Variants in GRIK3 observed in about 807,000 individuals in gnomAD.
The protein encoded by GRIK3 is glutamate ionotropic receptor kainate type subunit 3.
GRIK3 carries 29 observed loss-of-function variants against 102.5 expected under a neutral mutation model. That is an observed-to-expected ratio of 0.28 (90% CI 0.21 to 0.39). The LOEUF (loss-of-function observed/expected upper bound fraction) is 0.39, where lower values mean the gene tolerates loss of function less well. Among genes scored for constraint, GRIK3 ranks in the 10% least tolerant of loss-of-function variants. The pLI is 1.00. For synonymous variants in GRIK3, 511 were observed against 504.9 expected, an observed-to-expected ratio of 1.01 and a Z score of -0.16; for missense variants, 908 against 1,252.4, an observed-to-expected ratio of 0.73 and a Z score of 4.15.
chr1:36,832,158 G>A (rs150509733), intron 10 of GRIK3, among the ~76,000 whole-genome samples: 38 of 152,338 alleles, frequency 2.5e-4, no homozygotes, highest in Non-Finnish European at 4.1e-4. Context: ...GGCATTGGCC[G>A]ATTCTCTGGG....
chr1:36,865,491 CG>C (rs1359570637), intron 5 of GRIK3, among the ~76,000 whole-genome samples: 4 of 152,116 alleles, frequency 2.6e-5, no homozygotes, highest in African/African-American at 9.7e-5. Context: ...GCAACAGGGC[CG>C]GAAGTGGATC....
In GRIK3 at chr1:36,819,864, GA is replaced by G; in HGVS notation, c.1755-11del. The G allele has an allele frequency of 7.1e-7, 1 of 1,410,202 alleles. No individual in the cohort carries two copies. 87.4% of individuals were successfully genotyped at this position (1,410,202 alleles called of 1,614,324 possible). A position where few individuals can be genotyped will look rare whatever the true frequency, so the allele number is the denominator to read the frequency against. On this transcript the variant is annotated splice_polypyrimidine_tract_variant and intron_variant, in intron 11 of 15. Coordinates refer to ENST00000373091, the MANE Select transcript of GRIK3 (RefSeq NM_000831.4). This position sits in a 1 kb window ranked among gnomAD's most constrained non-coding sequence, Gnocchi z 4.1. The stretch of plus-strand genomic sequence containing the variant: ...CTCATAAGGGCTGAACCTGCCACAG[GA>G]GGAGAGGGACAGTCAGCCTGGGAAG...
chr1:36,989,147 C>T (rs757368647), intron 1 of GRIK3, among the ~76,000 whole-genome samples: 22 of 152,304 alleles, frequency 1.4e-4, no homozygotes, highest in Non-Finnish European at 2.5e-4. Flanking sequence ...TTCACATTCC[C>T]GTACACATGC....
chr1:36,928,531 C>A (rs1245706942), intron 1 of GRIK3, among the ~76,000 whole-genome samples: 9 of 152,232 alleles, frequency 5.9e-5, no homozygotes, highest in Admixed American at 1.3e-4. Flanking sequence ...CACTGTCTGA[C>A]AACGCAGTGT....
chr1:36,862,429 T>C (rs922151284), intron 5 of GRIK3, among the ~76,000 whole-genome samples: 1 of 152,148 alleles, frequency 6.6e-6, no homozygotes, highest in Non-Finnish European at 1.5e-5. Context: ...ATCAGAGCTG[T>C]CTTTGGGGAT....
chr1:36,868,588 G>A (rs746295366), intron 5 of GRIK3, among the ~76,000 whole-genome samples: 12 of 152,222 alleles, frequency 7.9e-5, no homozygotes, highest in Non-Finnish European at 1.5e-4. Flanking sequence ...CCGTCACAGT[G>A]ATTTCAAGCT....
At chr1:37,028,123 A>G (rs1050689596) in intron 1 of GRIK3, among the ~76,000 whole-genome samples, 3 of 152,206 alleles carry the variant, frequency 2.0e-5, no homozygotes, top group Non-Finnish European at 4.4e-5. Context: ...ACGGGAAGTG[A>G]GGGAAGGAAG....
chr1:36,811,263 A>G (rs1239218851), intron 13 of GRIK3, among the ~76,000 whole-genome samples: 2 of 152,110 alleles, frequency 1.3e-5, no homozygotes, highest in African/African-American at 2.4e-5. Flanking sequence ...AAATCTCTAT[A>G]GTGCTGAGTT....
At chr1:36,945,846 C>A (rs1212897819) in intron 1 of GRIK3, among the ~76,000 whole-genome samples, 2 of 152,214 alleles carry the variant, frequency 1.3e-5, no homozygotes, top group African/African-American at 4.8e-5. Flanking sequence ...GCTCTTCCTA[C>A]CACCTATGCT....
chr1:36,904,168 T>C (rs925819135), intron 1 of GRIK3, among the ~76,000 whole-genome samples: 1 of 152,210 alleles, frequency 6.6e-6, no homozygotes, highest in African/African-American at 2.4e-5. Context: ...AAAAGGGTAA[T>C]ATTTTAACAC....
intron 11 of GRIK3, among the ~76,000 whole-genome samples, chr1:36,823,656 T>G (rs1642721076): frequency 6.6e-6 from 1 of 152,012 alleles, no homozygotes; most frequent in Non-Finnish European, 1.5e-5. Context: ...CCAGGTGAGC[T>G]CTCCGGGGTG....
intron 1 of GRIK3, among the ~76,000 whole-genome samples, chr1:37,022,102 T>C (rs1642721160): frequency 6.6e-6 from 1 of 152,254 alleles, no homozygotes. Flanking sequence ...TGACTGTCTA[T>C]ACAGCCTGAA....
At chr1:36,956,453 C>A (rs994462951) in intron 1 of GRIK3, among the ~76,000 whole-genome samples, 6 of 152,232 alleles carry the variant, frequency 3.9e-5, no homozygotes, top group Non-Finnish European at 7.3e-5. Flanking sequence ...CGCATGCCCA[C>A]CGGAGAGGGA....
chr1:36,801,817 G>A lies in GRIK3; in HGVS notation c.*34C>T, dbSNP rs768379579. 6 of 1,539,276 alleles carry A rather than the reference G, an allele frequency of 3.9e-6. No individual in the cohort carries two copies. On this transcript the variant is annotated 3_prime_UTR_variant, in exon 16 of 16. Coordinates refer to ENST00000373091, the MANE Select transcript of GRIK3 (RefSeq NM_000831.4). ...AATCTCCTTTGCTTTCCTCTGCCCA[G>A]CCCCCAGGCCTGAGGTCCCCACCCC...
At chr1:36,910,219 G>A (rs1570793663) in intron 1 of GRIK3, among the ~76,000 whole-genome samples, 4 of 152,302 alleles carry the variant, frequency 2.6e-5, no homozygotes, top group African/African-American at 7.2e-5. Context: ...AGACATTCAC[G>A]CTCCCAGCAC....
intron 9 of GRIK3, 145 bp from the exon 10 acceptor site, chr1:36,842,084 G>C (rs72668174): frequency 1.5e-6 from 1 of 686,448 alleles, no homozygotes; most frequent in African/African-American, 1.8e-5. Context: ...GTGAAGTCAG[G>C]AGCGGGAAAG....
chr1:37,022,048 T>C (rs1176277967), intron 1 of GRIK3, among the ~76,000 whole-genome samples: 1 of 152,202 alleles, frequency 6.6e-6, no homozygotes, highest in Non-Finnish European at 1.5e-5. Flanking sequence ...CCTCAGAACC[T>C]GGTGTGGAGG....
At chr1:36,821,688 T>G (rs1333423504) in intron 11 of GRIK3, among the ~76,000 whole-genome samples, 2 of 152,092 alleles carry the variant, frequency 1.3e-5, no homozygotes, top group African/African-American at 4.8e-5. Flanking sequence ...TAGAAGGCAA[T>G]GGGATTCCAA....
chr1:36,971,596 G>A (rs181475310), intron 1 of GRIK3, among the ~76,000 whole-genome samples: 2 of 152,298 alleles, frequency 1.3e-5, no homozygotes, highest in Non-Finnish European at 2.9e-5. Flanking sequence ...CACTTCCAGA[G>A]AGGGACAGTG....
Sources: allele counts gnomAD v4.1 joint callset (sites outside exome capture counted in the v4.1 genomes callset), GRCh38; gene constraint gnomAD v4.1.1; non-coding constraint Gnocchi (gnomAD v3.1); transcripts MANE v1.5; gene names NCBI Gene and HGNC (gene_info 2026-07-23, HGNC 2026-07-21).